Variants in GPC5 observed in about 807,000 individuals in gnomAD.
GPC5 encodes the protein glypican 5, also known as glypican-5.
GPC5 carries 47 observed loss-of-function variants against 53.9 expected under a neutral mutation model. The observed-to-expected ratio is 0.87, with a 90% CI of 0.69 to 1.11. GPC5 has a LOEUF of 1.11. Among genes scored for constraint, GPC5 ranks in the 50% most tolerant of loss-of-function variants. The probability of loss-of-function intolerance (pLI) is 0.00; values close to 1 mark genes in which losing one functional copy is unlikely to be tolerated. For synonymous variants in GPC5, 286 were observed against 263.3 expected, an observed-to-expected ratio of 1.09 and a Z score of -0.84; for missense variants, 748 against 713.1, an observed-to-expected ratio of 1.05 and a Z score of -0.56.
chr13:91,787,677 A>T (rs535989914), intron 5 of GPC5, among the ~76,000 whole-genome samples: 35 of 152,334 alleles, frequency 2.3e-4, no homozygotes, highest in Non-Finnish European at 3.8e-4. Flanking sequence ...GCATCATCTC[A>T]TCCAGCAATT....
At chr13:92,402,381 G>A (rs1163454381) in intron 7 of GPC5, among the ~76,000 whole-genome samples, 1 of 152,158 alleles carries the variant, frequency 6.6e-6, no homozygotes, top group African/African-American at 2.4e-5. Context: ...CAATCAATAT[G>A]TGAGTCTAAG....
chr13:92,754,838 G>C (rs1162039185), intron 7 of GPC5, among the ~76,000 whole-genome samples: 15 of 143,432 alleles, frequency 1.0e-4, no homozygotes, highest in East Asian at 7.2e-4. Flanking sequence ...AGCAAGTCCA[G>C]AGTGACCTAC....
chr13:92,849,628 T>TA (rs1195222169), intron 7 of GPC5, among the ~76,000 whole-genome samples: 1 of 152,172 alleles, frequency 6.6e-6, no homozygotes, highest in Non-Finnish European at 1.5e-5. Context: ...AGCTAATTTT[T>TA]AACAAAGACT....
intron 2 of GPC5, among the ~76,000 whole-genome samples, chr13:91,633,523 T>C (rs1183178834): frequency 6.6e-6 from 1 of 152,168 alleles, no homozygotes; most frequent in Non-Finnish European, 1.5e-5. Flanking sequence ...GAGAAACATA[T>C]GTGATTTTGG....
rs374082436 is a variant in GPC5, at chr13:92,424,994, C to T, written c.1561+280005C>T. Among the ~76,000 whole-genome samples, 9 of 152,168 alleles carry T rather than the reference C, an allele frequency of 5.9e-5. No homozygotes were observed. In the East Asian group the frequency reaches 1.4e-3, roughly 23 times the overall value. ...GGCTGACATCTTCTCATGCTTAACA[C>T]ACCTAAAATGAAGCCTTTTGTTACA... On this transcript the variant is annotated intron_variant, in intron 7 of 7. Coordinates refer to ENST00000377067, the MANE Select transcript of GPC5 (RefSeq NM_004466.6).
At chr13:92,233,810 C>T (rs957230831) in intron 7 of GPC5, among the ~76,000 whole-genome samples, 3 of 151,704 alleles carry the variant, frequency 2.0e-5, no homozygotes, top group Non-Finnish European at 2.9e-5. Context: ...CCTCCCCACT[C>T]CCCCCACCCC....
At position 92,347,882 on chromosome 13, in the gene GPC5, T is replaced by TAATATATATATTATATATATAA. The variant is rs1491589093; in HGVS notation, c.1561+202893_1561+202894insAATATATATATTATATATATAA. Reference sequence around the variant, plus strand: ...ATATATATTATATATATAATATATATTATATATATTATATATATAATATAT... The same window carrying TAATATATATATTATATATATAA: ...ATATATATTATATATATAATATATATAATATATATATTATATATATAATATATATATTATATATATAATATAT... On this transcript the variant is annotated intron_variant, in intron 7 of 7. Coordinates refer to ENST00000377067, the MANE Select transcript of GPC5 (RefSeq NM_004466.6). 1.3e-3 allele frequency among the ~76,000 whole-genome samples: 3 copies of TAATATATATATTATATATATAA among 2,332 alleles called. 1 individual carries two copies. The highest frequency in any genetic ancestry group is 1.9e-3 in the Non-Finnish European group (3 of 1,574). 1.5% of individuals were successfully genotyped at this position (2,332 alleles called of 152,430 possible).
chr13:92,825,329 T>C (rs1194471645), intron 7 of GPC5, among the ~76,000 whole-genome samples: 1 of 152,118 alleles, frequency 6.6e-6, no homozygotes, highest in Non-Finnish European at 1.5e-5. Flanking sequence ...TCCTAAAATT[T>C]TACATGTACT....
chr13:92,277,241 G>A (rs1319399062), intron 7 of GPC5, among the ~76,000 whole-genome samples: 2 of 152,000 alleles, frequency 1.3e-5, no homozygotes, highest in African/African-American at 2.4e-5. Context: ...AACACCTTGA[G>A]CGTTTTTGAG....
At chr13:91,703,838 T>A (rs1315458266) in intron 3 of GPC5, among the ~76,000 whole-genome samples, 4 of 152,336 alleles carry the variant, frequency 2.6e-5, no homozygotes, top group East Asian at 1.9e-4. Context: ...CTTATTGGTC[T>A]ATTCAGATTC....
chr13:92,683,029 G>A (rs1887154261), intron 7 of GPC5, among the ~76,000 whole-genome samples: 1 of 152,160 alleles, frequency 6.6e-6, no homozygotes, highest in Non-Finnish European at 1.5e-5. Flanking sequence ...CCTGAGGTGT[G>A]AGGTAAGATC....
At chr13:91,435,030 T>C (rs1477170966) in intron 1 of GPC5, among the ~76,000 whole-genome samples, 1 of 152,234 alleles carries the variant, frequency 6.6e-6, no homozygotes, top group Non-Finnish European at 1.5e-5. Flanking sequence ...TTTTTGCACA[T>C]TGATTTTGTA....
intron 7 of GPC5, among the ~76,000 whole-genome samples, chr13:92,458,934 C>A (rs1030644582): frequency 6.6e-6 from 1 of 152,024 alleles, no homozygotes; most frequent in Non-Finnish European, 1.5e-5. Flanking sequence ...TTTGTGAGTG[C>A]CTACTTTGGA....
intron 5 of GPC5, among the ~76,000 whole-genome samples, chr13:91,893,035 G>A (rs1165345924): frequency 1.3e-5 from 2 of 151,898 alleles, no homozygotes; most frequent in African/African-American, 2.4e-5. Flanking sequence ...CTAAATAAGA[G>A]ACTTGAAGAT....
rs371048549 is a variant in GPC5, at chr13:92,805,457, GAA to G, written c.1562-60823_1562-60822del. On this transcript the variant is annotated intron_variant, in intron 7 of 7. Coordinates refer to ENST00000377067, the MANE Select transcript of GPC5 (RefSeq NM_004466.6). ...TCTTTTTAAAATTTAATTTTTTTGA[GAA>G]AGTGTCTCATTCTGTCACCCTAGCT... Among the ~76,000 whole-genome samples, 512 of 152,032 alleles carry G rather than the reference GAA, an allele frequency of 3.4e-3. 2 individuals are homozygous for G. The highest frequency in any genetic ancestry group is 0.011 in the African/African-American group (476 of 41,500).
At position 92,772,378 on chromosome 13, in the gene GPC5, G is replaced by T. The variant is rs1026786146; in HGVS notation, c.1562-93904G>T. On this transcript the variant is annotated intron_variant, in intron 7 of 7. Transcript: ENST00000377067. ...TTACTCAGATTGTTCCACCCAGTTG[G>T]CCTCCCTGCAGCTCTAAGGCCAAGC... 6.6e-5 allele frequency among the ~76,000 whole-genome samples: 10 copies of T among 151,996 alleles called. No homozygotes were observed. The East Asian group carries it at 1.7e-3, about 26-fold the overall frequency.
At chr13:91,549,229 A>T (rs1429992784) in intron 2 of GPC5, among the ~76,000 whole-genome samples, 2 of 151,106 alleles carry the variant, frequency 1.3e-5, no homozygotes, top group Non-Finnish European at 2.9e-5. Flanking sequence ...AAATCATGCC[A>T]TTGTATTCCA....
intron 6 of GPC5, among the ~76,000 whole-genome samples, chr13:92,096,665 T>C (rs1356729400): frequency 1.3e-5 from 2 of 152,210 alleles, no homozygotes; most frequent in African/African-American, 2.4e-5. Context: ...TGTTCCTTTC[T>C]GCTATATGAG....
chr13:91,665,764 C>T (rs1317742422), intron 2 of GPC5, among the ~76,000 whole-genome samples: 2 of 152,146 alleles, frequency 1.3e-5, no homozygotes, highest in Non-Finnish European at 2.9e-5. Context: ...CTCAGCCTCC[C>T]AAAGTGCTGG....
Sources: allele counts gnomAD v4.1 joint callset (sites outside exome capture counted in the v4.1 genomes callset), GRCh38; gene constraint gnomAD v4.1.1; transcripts MANE v1.5; gene names NCBI Gene and HGNC (gene_info 2026-07-23, HGNC 2026-07-21).